Variants in DZANK1 observed in about 807,000 individuals in gnomAD.
The protein encoded by DZANK1 is double zinc ribbon and ankyrin repeat-containing protein 1.
DZANK1 carries 91 observed loss-of-function variants against 94.5 expected under a neutral mutation model. The ratio of observed to expected loss-of-function variants is 0.96; its 90% CI spans 0.81 to 1.15. The LOEUF (loss-of-function observed/expected upper bound fraction) is 1.15. Ranked by LOEUF, DZANK1 falls within the 50% of genes most tolerant of loss-of-function variation. The pLI, the probability that DZANK1 is intolerant of heterozygous loss-of-function variation, is 0.00. For missense variants in DZANK1, 903 were observed against 916.4 expected (o/e 0.99, Z 0.19); for synonymous variants, 312 against 325.3 (o/e 0.96, Z 0.44).
intron 7 of DZANK1, among the ~76,000 whole-genome samples, chr20:18,445,102 C>G (rs559349565): frequency 6.6e-6 from 1 of 152,036 alleles, no homozygotes; most frequent in Admixed American, 6.6e-5. Flanking sequence ...CCACCGCGCC[C>G]GGCCAGAAAC....
intron 13 of DZANK1, 140 bp from the exon 14 acceptor site, chr20:18,398,766 A>T (rs2148289334): frequency 2.7e-6 from 2 of 748,422 alleles, no homozygotes; most frequent in East Asian, 5.2e-5. Flanking sequence ...GTGAACCTCA[A>T]CTATGCTCTG....
In DZANK1 at chr20:18,393,820, A is replaced by T; in HGVS notation, c.1709-9T>A. On this transcript the variant is annotated splice_polypyrimidine_tract_variant and intron_variant, in intron 16 of 20. Transcript: ENST00000262547. ...CTGGCTGTAGTCACTCACTGAAATG[A>T]CACAGTTGGGGAAAAAAATGATGCC... 8 of 1,595,426 alleles carry T rather than the reference A, an allele frequency of 5.0e-6. No individual in the cohort carries two copies. The highest frequency in any genetic ancestry group is 6.9e-6 in the Non-Finnish European group (8 of 1,166,464).
chr20:18,413,149 A>T (rs2057336390), intron 12 of DZANK1: 1 of 430,562 alleles, frequency 2.3e-6, no homozygotes, highest in African/African-American at 2.0e-5. Context: ...AATCCAATAG[A>T]GCATAGACTT....
At chr20:18,425,701 A>G (rs1399892103) in intron 10 of DZANK1, among the ~76,000 whole-genome samples, 1 of 152,200 alleles carries the variant, frequency 6.6e-6, no homozygotes, top group Admixed American at 6.5e-5. Context: ...TCAAGTTAAA[A>G]TGTGGTCATT....
chr20:18,389,896 T>C, intron 18 of DZANK1, 68 bp from the exon 19 acceptor site: 1 of 1,595,224 alleles, frequency 6.3e-7, no homozygotes, highest in Non-Finnish European at 8.5e-7. Context: ...GTCGCCATCC[T>C]ATGAAGTATA....
intron 3 of DZANK1, among the ~76,000 whole-genome samples, chr20:18,458,321 G>T (rs2059357905): frequency 6.6e-6 from 1 of 152,120 alleles, no homozygotes; most frequent in Non-Finnish European, 1.5e-5. Context: ...TTAAAGAAGA[G>T]ATTTAAACAG....
At chr20:18,398,304 T>C in intron 14 of DZANK1, 1 of 537,420 alleles carries the variant, frequency 1.9e-6, no homozygotes. Flanking sequence ...AATTTTATTG[T>C]CTTAGGTCAG....
At chr20:18,415,215 G>T in intron 11 of DZANK1, 112 bp downstream of exon 11, 1 of 1,134,196 alleles carries the variant, frequency 8.8e-7, no homozygotes, top group Non-Finnish European at 1.2e-6. Context: ...ATAGGTACCA[G>T]TAGCGAAATC....
chr20:18,443,406 A>G lies in DZANK1; in HGVS notation c.688T>C (p.Cys230Arg), dbSNP rs199584491. Residue 230 changes from cysteine (C) to arginine (R), a missense_variant, in exon 8 of 21, where the codon TGT becomes CGT. By Grantham distance (180) the Cys-to-Arg change is radical (BLOSUM62 -3). Transcript: ENST00000262547. ...AATATGGGTGGGACAGGAGAGCCAC[A>G]TTCTTGACAGAAGCGAGCAAAGGGA... is the stretch of plus-strand genomic sequence containing the variant. 1.2e-5 allele frequency: 18 copies of G among 1,541,886 alleles called. 1 individual carries two copies. The highest frequency in any genetic ancestry group is 1.6e-5 in the Non-Finnish European group (18 of 1,143,344).
At chr20:18,395,953 G>A (rs1172356370) in intron 15 of DZANK1, among the ~76,000 whole-genome samples, 1 of 152,140 alleles carries the variant, frequency 6.6e-6, no homozygotes, top group Non-Finnish European at 1.5e-5. Flanking sequence ...CCTAATAAAT[G>A]TTAATTTCCC....
intron 8 of DZANK1, among the ~76,000 whole-genome samples, chr20:18,436,398 C>G (rs1408486562): frequency 7.0e-6 from 1 of 142,266 alleles, no homozygotes; most frequent in Non-Finnish European, 1.5e-5. Flanking sequence ...GAGCCGAGAT[C>G]GTACCACTGC....
intron 16 of DZANK1, 81 bp from the exon 17 acceptor site, chr20:18,393,892 C>A: frequency 2.1e-6 from 2 of 958,658 alleles, no homozygotes; most frequent in Admixed American, 2.3e-5. Context: ...CTTCCACGTC[C>A]CTCAAAAGTC....
At chr20:18,396,433 G>T (rs756527769) in intron 15 of DZANK1, 39 bp downstream of exon 15, 1 of 1,482,006 alleles carries the variant, frequency 6.7e-7, no homozygotes, top group Admixed American at 1.8e-5. Flanking sequence ...TTACTAATCG[G>T]TCAGTTCTCA....
At chr20:18,431,413 T>C (rs1054155999) in intron 9 of DZANK1, among the ~76,000 whole-genome samples, 1 of 152,218 alleles carries the variant, frequency 6.6e-6, no homozygotes, top group African/African-American at 2.4e-5. Context: ...GTCAATGGCA[T>C]GCTGCCGCCT....
chr20:18,458,892 G>A (rs2059378481), intron 3 of DZANK1, among the ~76,000 whole-genome samples: 1 of 152,192 alleles, frequency 6.6e-6, no homozygotes, highest in Admixed American at 6.5e-5. Context: ...CACCTTTTGA[G>A]TTGAAAACTC....
intron 7 of DZANK1, among the ~76,000 whole-genome samples, chr20:18,447,610 G>A (rs1332056251): frequency 6.6e-6 from 1 of 152,088 alleles, no homozygotes; most frequent in African/African-American, 2.4e-5. Context: ...TTACAGGTGT[G>A]AGCCACTGCA....
At chr20:18,395,848 C>A (rs2056312412) in intron 15 of DZANK1, among the ~76,000 whole-genome samples, 2 of 152,188 alleles carry the variant, frequency 1.3e-5, no homozygotes, top group African/African-American at 4.8e-5. Flanking sequence ...CATTCATGTG[C>A]ATTAGCTCGT....
rs114425147 is a variant in DZANK1 at position 18,448,546 on chromosome 20, T to C, written c.629+438A>G. Among the ~76,000 whole-genome samples the C allele has an allele frequency of 3.0e-3, 454 of 152,300 alleles. 1 individual carries two copies. The highest frequency in any genetic ancestry group is 9.7e-3 in the African/African-American group (404 of 41,566). Reference sequence around the variant, plus strand: ...ATATGCAGTTATTGTATGTCAATTATACTTTTTAACAGGCTGTAAACATTT... The same window carrying C: ...ATATGCAGTTATTGTATGTCAATTACACTTTTTAACAGGCTGTAAACATTT... On this transcript the variant is annotated intron_variant, in intron 7 of 20. Coordinates refer to ENST00000262547, the Ensembl canonical transcript of DZANK1.
intron 17 of DZANK1, 135 bp downstream of exon 17, chr20:18,393,576 A>G: frequency 1.7e-6 from 1 of 600,480 alleles, no homozygotes; most frequent in Non-Finnish European, 2.9e-6. Flanking sequence ...CTAAAGGACA[A>G]GGATGCCATG....
Sources: gnomAD v4.1 joint callset for allele counts (sites outside exome capture counted in the v4.1 genomes callset) on GRCh38, gnomAD v4.1.1 for gene constraint, MANE v1.5 for transcripts, NCBI Gene and HGNC (gene_info 2026-07-23, HGNC 2026-07-21) for gene names.